The following SLC6A11 variants were observed in gnomAD, a reference collection of about 807,000 sequenced individuals.
SLC6A11 encodes solute carrier family 6 member 11, also known as sodium- and chloride-dependent GABA transporter 3.
In SLC6A11, 25 loss-of-function variants were observed where a neutral mutation model predicts 74.8. The observed-to-expected ratio is 0.33, with a 90% CI of 0.24 to 0.47. The LOEUF (loss-of-function observed/expected upper bound fraction) is 0.47, where lower values mean the gene tolerates loss of function less well. SLC6A11 is among the 20% of genes least tolerant of loss of function. The probability of loss-of-function intolerance (pLI) is 1.00; values close to 1 mark genes in which losing one functional copy is unlikely to be tolerated. For synonymous variants in SLC6A11, 330 were observed against 330.2 expected (o/e 1.00, Z 0.01); for missense variants, 574 against 837.0 (o/e 0.69, Z 3.88).
At chr3:10,936,350 C>T (rs1490834723) in intron 13 of SLC6A11, among the ~76,000 whole-genome samples, 1 of 152,212 alleles carries the variant, frequency 6.6e-6, no homozygotes, top group East Asian at 1.9e-4. Context: ...AATTTCGCTG[C>T]CTCACCTTCC....
intron 8 of SLC6A11, among the ~76,000 whole-genome samples, chr3:10,921,530 C>G (rs1695537348): frequency 6.6e-6 from 1 of 151,930 alleles, no homozygotes; most frequent in Non-Finnish European, 1.5e-5. Flanking sequence ...TTTATTAACC[C>G]AAAAGAATGC....
At position 10,935,140 on chromosome 3, in the gene SLC6A11, C is replaced by T; in HGVS notation, c.1687C>T (p.Leu563Phe). 2 of 1,614,240 alleles carry T rather than the reference C, an allele frequency of 1.2e-6. No homozygotes were observed. The highest frequency in any genetic ancestry group is 1.7e-6 in the Non-Finnish European group (2 of 1,180,018). The change falls in exon 13 of 14, where the codon CTC becomes TTC. Residue 563 changes from leucine to phenylalanine, a missense_variant. Transcript: ENST00000254488. ...CTGGCTCATGGCCCTGTCCTCCATG[C>T]TCTGCATCCCGCTCTGGATCTGCAT... ...IGWLMALSSM[L>F]CIPLWICITV... is the part of the protein sequence containing the mutation.
At chr3:10,923,510 C>T (rs1005314064) in intron 8 of SLC6A11, among the ~76,000 whole-genome samples, 56 of 152,172 alleles carry the variant, frequency 3.7e-4, no homozygotes, top group African/African-American at 1.3e-3. Flanking sequence ...TCCACATTCA[C>T]ATATATAAAT....
At chr3:10,885,868 CG>C (rs1309099093) in intron 6 of SLC6A11, among the ~76,000 whole-genome samples, 8 of 152,184 alleles carry the variant, frequency 5.3e-5, no homozygotes, top group African/African-American at 1.9e-4. Context: ...GAGCCTTGAG[CG>C]GTCCCACCTA....
chr3:10,863,837 G>T (rs1305575730), intron 5 of SLC6A11, among the ~76,000 whole-genome samples: 1 of 152,120 alleles, frequency 6.6e-6, no homozygotes, highest in Non-Finnish European at 1.5e-5. Context: ...GAATGTAGTT[G>T]GCTCATAGGG....
At chr3:10,903,616 GC>G (rs1695267635) in intron 6 of SLC6A11, among the ~76,000 whole-genome samples, 1 of 152,186 alleles carries the variant, frequency 6.6e-6, no homozygotes, top group South Asian at 2.1e-4. Flanking sequence ...TGCTTATGGT[GC>G]GGGGAAGAGG....
intron 5 of SLC6A11, among the ~76,000 whole-genome samples, chr3:10,847,496 G>C (rs73814458): frequency 1.3e-5 from 2 of 152,140 alleles, no homozygotes; most frequent in Admixed American, 6.5e-5. Context: ...GATGGGATGC[G>C]GTTTGCTGGA....
chr3:10,929,414 C>A, intron 10 of SLC6A11, 75 bp downstream of exon 10: 1 of 1,540,994 alleles, frequency 6.5e-7, no homozygotes, highest in Non-Finnish European at 8.9e-7. Context: ...AAGTGACCAG[C>A]TGTGTGACCC....
chr3:10,859,809 A>G (rs1004221265), intron 5 of SLC6A11, among the ~76,000 whole-genome samples: 9 of 152,204 alleles, frequency 5.9e-5, no homozygotes, highest in African/African-American at 2.2e-4. Context: ...AATGCTTTCA[A>G]TTAAGAACAT....
At chr3:10,923,766 A>G (rs920821448) in intron 8 of SLC6A11, among the ~76,000 whole-genome samples, 1 of 152,212 alleles carries the variant, frequency 6.6e-6, no homozygotes, top group Non-Finnish European at 1.5e-5. Context: ...AAAGAGAAAA[A>G]GAGTAATGTT....
At chr3:10,863,534 T>C (rs1360877054) in intron 5 of SLC6A11, among the ~76,000 whole-genome samples, 1 of 152,208 alleles carries the variant, frequency 6.6e-6, no homozygotes, top group Non-Finnish European at 1.5e-5. Context: ...GAACTTTGAT[T>C]TTCTGAAGCC....
At chr3:10,902,363 T>C (rs745699264) in intron 6 of SLC6A11, among the ~76,000 whole-genome samples, 2 of 152,236 alleles carry the variant, frequency 1.3e-5, no homozygotes, top group African/African-American at 2.4e-5. Context: ...GTGTATCTGC[T>C]TTAGTGATGG....
At chr3:10,820,728 A>G (rs66501963) in intron 3 of SLC6A11, among the ~76,000 whole-genome samples, 16,803 of 152,158 alleles carry the variant, frequency 0.11, 1,139 homozygotes, top group East Asian at 0.24. Context: ...CTCACAGAAG[A>G]CATCGCTAAT....
intron 13 of SLC6A11, 102 bp downstream of exon 13, chr3:10,935,301 G>T: frequency 4.8e-6 from 5 of 1,045,408 alleles, no homozygotes; most frequent in Non-Finnish European, 7.1e-6. Flanking sequence ...GCGCCCACCT[G>T]CCTCAAGGGG....
chr3:10,910,407 G>C (rs900493600), intron 6 of SLC6A11, among the ~76,000 whole-genome samples: 1 of 152,176 alleles, frequency 6.6e-6, no homozygotes, highest in Non-Finnish European at 1.5e-5. Flanking sequence ...ACATGGAGGA[G>C]AGGGATGTGG....
intron 6 of SLC6A11, among the ~76,000 whole-genome samples, 161 bp downstream of exon 6, chr3:10,875,256 G>A (rs1289060886): frequency 6.6e-6 from 1 of 152,124 alleles, no homozygotes; most frequent in Non-Finnish European, 1.5e-5. Context: ...TTAATACGTA[G>A]GAAATCAAAT....
intron 13 of SLC6A11, among the ~76,000 whole-genome samples, chr3:10,935,964 C>T (rs1260580299): frequency 6.6e-6 from 1 of 152,114 alleles, no homozygotes; most frequent in Non-Finnish European, 1.5e-5. Flanking sequence ...ATTTGCCTAC[C>T]CTGGATGTTT....
intron 6 of SLC6A11, among the ~76,000 whole-genome samples, chr3:10,900,796 CT>C (rs1256073549): frequency 6.6e-6 from 1 of 152,182 alleles, no homozygotes; most frequent in Non-Finnish European, 1.5e-5. Context: ...CTGGCTTGGT[CT>C]GGGAGCCCCT....
chr3:10,843,725 A>G (rs1325794300), intron 4 of SLC6A11, among the ~76,000 whole-genome samples: 3 of 152,202 alleles, frequency 2.0e-5, no homozygotes, highest in Non-Finnish European at 4.4e-5. Flanking sequence ...CCATAATGAC[A>G]GGAGAGTTAG....
Sources: gnomAD v4.1 joint callset for allele counts (sites outside exome capture counted in the v4.1 genomes callset) on GRCh38, gnomAD v4.1.1 for gene constraint, MANE v1.5 for transcripts, NCBI Gene and HGNC (gene_info 2026-07-23, HGNC 2026-07-21) for gene names.